CLASP2: variants seen among roughly 807,000 people sequenced by gnomAD.
CLASP2 encodes cytoplasmic linker associated protein 2.
CLASP2 carries 47 observed loss-of-function variants against 194.4 expected under a neutral mutation model. The observed-to-expected ratio is 0.24, with a 90% CI of 0.19 to 0.31. The LOEUF is 0.31. Ranked by LOEUF, CLASP2 falls within the 10% of genes least tolerant of loss-of-function variation. The pLI is 1.00. For missense variants in CLASP2, 1,445 were observed against 1,823.6 expected, an observed-to-expected ratio of 0.79 and a Z score of 3.78; for synonymous variants, 619 against 633.5, an observed-to-expected ratio of 0.98 and a Z score of 0.34.
At chr3:33,708,271 T>G (rs1376182489) in intron 1 of CLASP2, among the ~76,000 whole-genome samples, 2 of 151,080 alleles carry the variant, frequency 1.3e-5, no homozygotes, top group Admixed American at 6.6e-5. Flanking sequence ...TCTGTTACTA[T>G]CTATAAATTT....
At chr3:33,700,897 A>G (rs2092332231) in intron 1 of CLASP2, among the ~76,000 whole-genome samples, 1 of 152,134 alleles carries the variant, frequency 6.6e-6, no homozygotes, top group Non-Finnish European at 1.5e-5. Context: ...CCAGCACTCA[A>G]CAATTGGGAA....
At chr3:33,717,451 G>C (rs1418303256) in intron 1 of CLASP2, among the ~76,000 whole-genome samples, 1 of 151,990 alleles carries the variant, frequency 6.6e-6, no homozygotes, top group Non-Finnish European at 1.5e-5. Flanking sequence ...TTTTGAGACA[G>C]AGTCTCACTC....
chr3:33,575,734 A>C (rs1475562692), intron 24 of CLASP2, among the ~76,000 whole-genome samples: 1 of 152,138 alleles, frequency 6.6e-6, no homozygotes, highest in African/African-American at 2.4e-5. Context: ...TCTTAATTAT[A>C]ATTTGCCTTG....
chr3:33,705,767 G>T (rs1266653626), intron 1 of CLASP2, among the ~76,000 whole-genome samples: 2 of 152,138 alleles, frequency 1.3e-5, no homozygotes, highest in Non-Finnish European at 2.9e-5. Flanking sequence ...ATATGGGACA[G>T]ATTCAGTAAA....
chr3:33,497,795 G>T lies in CLASP2; in HGVS notation c.*836C>A, dbSNP rs2045989000. The T allele has an allele frequency of 6.6e-6, 1 of 152,336 alleles. No individual in the cohort carries two copies. The highest frequency in any genetic ancestry group is 6.6e-5 in the Admixed American group (1 of 15,262). The allele number at this position is 152,336 out of a possible 1,614,324, so 9.4% of individuals were successfully genotyped here. ...TCCATTATCAAGTTTATTCATAAGT[G>T]AATTTGATATTAATAAATACAAAAA... On this transcript the variant is annotated 3_prime_UTR_variant, in exon 39 of 39. Transcript: ENST00000682230.
intron 8 of CLASP2, among the ~76,000 whole-genome samples, chr3:33,642,866 A>G (rs1226477925): frequency 1.3e-5 from 2 of 151,804 alleles, no homozygotes. Flanking sequence ...ACAAGAATAT[A>G]CCTGCAATTG....
chr3:33,631,513 T>C lies in CLASP2; in HGVS notation c.942+779A>G, dbSNP rs573207505. Among the ~76,000 whole-genome samples, 12 of 152,132 alleles carry C rather than the reference T, an allele frequency of 7.9e-5. No homozygotes were observed. The South Asian group carries it at 2.5e-3, about 32-fold the overall frequency. On this transcript the variant is annotated intron_variant, in intron 9 of 38. Coordinates refer to ENST00000682230, the MANE Select transcript of CLASP2 (RefSeq NM_001365631.1). ...GAGTTCGAGACCAGCCTGACCAACA[T>C]AGTGAAACCCCGTCTCTACTAAAAA...
At chr3:33,683,867 G>C (rs184323809) in intron 6 of CLASP2, among the ~76,000 whole-genome samples, 1 of 149,914 alleles carries the variant, frequency 6.7e-6, no homozygotes, top group African/African-American at 2.5e-5. Flanking sequence ...TTGAGCCCAG[G>C]ATGCAGAGGT....
chr3:33,695,987 C>T (rs868648974), intron 2 of CLASP2, among the ~76,000 whole-genome samples: 2 of 152,194 alleles, frequency 1.3e-5, no homozygotes, highest in African/African-American at 4.8e-5. Flanking sequence ...ACCATATGCA[C>T]TGTACTACAA....
chr3:33,704,403 C>T (rs2154354373), intron 1 of CLASP2, among the ~76,000 whole-genome samples: 1 of 152,118 alleles, frequency 6.6e-6, no homozygotes, highest in South Asian at 2.1e-4. Context: ...AAAATAAAAC[C>T]TATTAAAAAA....
At chr3:33,505,604 T>C (rs1291488802) in intron 37 of CLASP2, among the ~76,000 whole-genome samples, 4 of 152,176 alleles carry the variant, frequency 2.6e-5, no homozygotes, top group Non-Finnish European at 5.9e-5. Context: ...ATGAAGTGAT[T>C]TTCAGTGGCT....
chr3:33,585,223 C>T (rs1243566891), intron 21 of CLASP2, among the ~76,000 whole-genome samples: 1 of 152,110 alleles, frequency 6.6e-6, no homozygotes, highest in East Asian at 1.9e-4. Context: ...AAATGGTATA[C>T]AAGATTTCCA....
At chr3:33,503,956 G>C (rs2047455807) in intron 37 of CLASP2, 1 of 152,070 alleles carries the variant, frequency 6.6e-6, no homozygotes, top group Non-Finnish European at 1.5e-5. Flanking sequence ...TCACGTACTT[G>C]CTGGCCATTT....
chr3:33,608,070 C>T (rs2074278788), intron 14 of CLASP2, among the ~76,000 whole-genome samples: 1 of 152,138 alleles, frequency 6.6e-6, no homozygotes, highest in African/African-American at 2.4e-5. Context: ...AGCCAGTCAC[C>T]AATCAGCTGC....
At chr3:33,612,120 G>C in intron 12 of CLASP2, 49 bp from the exon 13 acceptor site, 1 of 1,158,036 alleles carries the variant, frequency 8.6e-7, no homozygotes, top group Non-Finnish European at 1.3e-6. Flanking sequence ...CACTTCATGT[G>C]GTCCTTTCTT....
At position 33,573,196 on chromosome 3, in the gene CLASP2, G is replaced by A. The variant is rs566515869; in HGVS notation, c.2613C>T (p.Leu871=). Residue 871 remains leucine (L), a synonymous_variant, in exon 25 of 39, where the codon CTC becomes CTT. Coordinates refer to ENST00000682230, the MANE Select transcript of CLASP2 (RefSeq NM_001365631.1). ...ACCAATTGGAACTAGCACATCTATT[G>A]AGGACTTCTGCCACATCTTCCGTCT... is the stretch of plus-strand genomic sequence containing the variant. The part of the protein sequence containing the change: ...MRQTEDVAEV[L]NRCASSNWSE... 1.1e-5 allele frequency: 17 copies of A among 1,613,836 alleles called. No homozygotes were observed. The South Asian group carries it at 1.4e-4, about 14-fold the overall frequency.
At chr3:33,608,097 G>T (rs112809560) in intron 14 of CLASP2, among the ~76,000 whole-genome samples, 2,279 of 152,154 alleles carry the variant, frequency 0.015, 52 homozygotes, top group African/African-American at 0.05. Flanking sequence ...TTTCCTCTCC[G>T]TCATCTCAGA....
At chr3:33,619,561 G>C (rs372673431) in intron 12 of CLASP2, 42 bp downstream of exon 12, 19 of 1,479,146 alleles carry the variant, frequency 1.3e-5, no homozygotes, top group Middle Eastern at 1.7e-4. Context: ...AAACAAAAGT[G>C]GGGGGAGGAG....
At chr3:33,587,319 G>T (rs924857460) in intron 21 of CLASP2, among the ~76,000 whole-genome samples, 3 of 151,954 alleles carry the variant, frequency 2.0e-5, no homozygotes, top group African/African-American at 7.3e-5. Flanking sequence ...TAGAGACAGG[G>T]TTTCATCGTG....
Sources: gnomAD v4.1 joint callset for allele counts (sites outside exome capture counted in the v4.1 genomes callset) on GRCh38, gnomAD v4.1.1 for gene constraint, MANE v1.5 for transcripts, NCBI Gene and HGNC (gene_info 2026-07-23, HGNC 2026-07-21) for gene names.